SYT17: variants seen among roughly 807,000 people sequenced by gnomAD.
SYT17 encodes synaptotagmin 17, also known as synaptotagmin-17.
In SYT17, 22 loss-of-function variants were observed where a neutral mutation model predicts 46.7. The ratio of observed to expected loss-of-function variants is 0.47; its 90% confidence interval spans 0.34 to 0.67. The LOEUF is 0.67. Among genes scored for constraint, SYT17 ranks in the 30% least tolerant of loss-of-function variants. The pLI is 0.01. For missense variants in SYT17, 519 were observed against 612.8 expected (o/e 0.85, Z 1.62); for synonymous variants, 251 against 248.4 (o/e 1.01, Z -0.10).
At chr16:19,226,621 A>G (rs1966506017) in intron 7 of SYT17, among the ~76,000 whole-genome samples, 1 of 152,168 alleles carries the variant, frequency 6.6e-6, no homozygotes, top group Admixed American at 6.5e-5. Flanking sequence ...GTCCGGATGG[A>G]GTTACAAATA....
upstream of SYT17, chr16:19,167,850 C>G (rs1223534545): frequency 1.3e-5 from 2 of 152,174 alleles, no homozygotes; most frequent in African/African-American, 2.4e-5. Context: ...GGCGCAACTC[C>G]GGCAGGTTTA....
chr16:19,256,412 T>C (rs1432435267), intron 7 of SYT17, among the ~76,000 whole-genome samples: 3 of 146,298 alleles, frequency 2.1e-5, no homozygotes, highest in Non-Finnish European at 3.0e-5. Context: ...CCTTATATGC[T>C]GGTTGAGGTT....
At chr16:19,211,114 G>A (rs1965881792) in intron 5 of SYT17, 2 of 282,738 alleles carry the variant, frequency 7.1e-6, no homozygotes, top group Non-Finnish European at 1.3e-5. Context: ...GTCTATTTTG[G>A]TTCTCCCTAG....
chr16:19,265,341 A>G (rs928148743), intron 7 of SYT17, among the ~76,000 whole-genome samples: 1 of 152,212 alleles, frequency 6.6e-6, no homozygotes, highest in African/African-American at 2.4e-5. Context: ...ACATGGTCCA[A>G]TTTTTCTCCA....
chr16:19,255,503 C>G (rs1968497282), intron 7 of SYT17, among the ~76,000 whole-genome samples: 1 of 152,066 alleles, frequency 6.6e-6, no homozygotes, highest in South Asian at 2.1e-4. Flanking sequence ...TTAAAAAATT[C>G]AGGCCAGGCA....
intron 3 of SYT17, among the ~76,000 whole-genome samples, chr16:19,174,084 C>T (rs971909765): frequency 1.3e-5 from 2 of 152,100 alleles, no homozygotes; most frequent in Admixed American, 6.6e-5. Flanking sequence ...TTTGCTGCTC[C>T]GAACAAGAAC....
chr16:19,179,539 TTA>T (rs1304996970), intron 3 of SYT17, among the ~76,000 whole-genome samples: 1 of 152,190 alleles, frequency 6.6e-6, no homozygotes, highest in Non-Finnish European at 1.5e-5. Context: ...AATGCTGGGA[TTA>T]TATGTGTGAG....
intron 7 of SYT17, among the ~76,000 whole-genome samples, chr16:19,229,940 G>A (rs1463143963): frequency 6.1e-4 from 93 of 152,288 alleles, no homozygotes; most frequent in Non-Finnish European, 7.4e-5. Context: ...ATTATGCTAA[G>A]TGAAACAAGC....
intron 7 of SYT17, among the ~76,000 whole-genome samples, chr16:19,240,172 A>T (rs1319590697): frequency 6.6e-6 from 1 of 152,188 alleles, no homozygotes; most frequent in African/African-American, 2.4e-5. Flanking sequence ...TAGTGTGGCA[A>T]ACAAGGGGCG....
chr16:19,249,603 A>G (rs1967881246), intron 7 of SYT17, among the ~76,000 whole-genome samples: 1 of 152,124 alleles, frequency 6.6e-6, no homozygotes, highest in Non-Finnish European at 1.5e-5. Context: ...TTTAATTTGC[A>G]TTTTCTCATG....
chr16:19,222,936 T>A (rs1596977312), intron 5 of SYT17, 109 bp from the exon 6 acceptor site: 3 of 1,441,280 alleles, frequency 2.1e-6, no homozygotes, highest in Non-Finnish European at 2.8e-6. Flanking sequence ...TGTCAACTGA[T>A]GCGCTCACAG....
intron 7 of SYT17, chr16:19,250,095 G>A: frequency 1.3e-6 from 2 of 1,502,820 alleles, no homozygotes; most frequent in East Asian, 5.0e-5. Context: ...TGTGTGTCTG[G>A]TTGCTTTTAT....
At chr16:19,227,231 TC>T (rs1427965148) in intron 7 of SYT17, among the ~76,000 whole-genome samples, 1 of 152,098 alleles carries the variant, frequency 6.6e-6, no homozygotes, top group Non-Finnish European at 1.5e-5. Context: ...TCCTTTTTTC[TC>T]CCACACACAT....
chr16:19,237,843 C>T lies in SYT17; in HGVS notation c.1228+13005C>T, dbSNP rs567097385. Among the ~76,000 whole-genome samples, 32 of 152,372 alleles carry T rather than the reference C, an allele frequency of 2.1e-4. No homozygotes were observed. In the East Asian group the frequency reaches 5.8e-3, roughly 28 times the overall value. On this transcript the variant is annotated intron_variant, in intron 7 of 7. Transcript: ENST00000355377. Reference sequence around the variant, plus strand: ...CACCACTTTGAATAGCTAGGAGACCCTCCCTCTGTTCTCCCGTGTCACCCC... The same window carrying T: ...CACCACTTTGAATAGCTAGGAGACCTTCCCTCTGTTCTCCCGTGTCACCCC...
chr16:19,263,517 C>T (rs1969131275), intron 7 of SYT17, among the ~76,000 whole-genome samples: 1 of 151,622 alleles, frequency 6.6e-6, no homozygotes, highest in South Asian at 2.1e-4. Context: ...TGGTGGGCAC[C>T]TGTACCCAGC....
chr16:19,219,512 A>G (rs1374881679), intron 5 of SYT17, among the ~76,000 whole-genome samples: 1 of 152,120 alleles, frequency 6.6e-6, no homozygotes, highest in Non-Finnish European at 1.5e-5. Flanking sequence ...TAAGTCGCCA[A>G]TATTTTGCCA....
intron 7 of SYT17, among the ~76,000 whole-genome samples, chr16:19,230,359 A>T (rs138507478): frequency 0.032 from 4,914 of 151,986 alleles, 267 homozygotes; most frequent in African/African-American, 0.11. Context: ...ATGAGCCGAG[A>T]TCACGCCATT....
chr16:19,171,306 TGA>T (rs1567194997), intron 1 of SYT17: 11 of 162,432 alleles, frequency 6.8e-5, no homozygotes, highest in African/African-American at 1.2e-4. Context: ...ATGATGATGA[TGA>T]TGATGATGAT....
rs902410119 is a variant in SYT17 at position 19,183,093 on chromosome 16, G to T, written c.332-435G>T. 3.3e-5 allele frequency among the ~76,000 whole-genome samples: 5 copies of T among 152,188 alleles called. No individual in the cohort carries two copies. The highest frequency in any genetic ancestry group is 7.3e-5 in the Non-Finnish European group (5 of 68,030). On this transcript the variant is annotated intron_variant, in intron 4 of 7. Transcript: ENST00000355377. The surrounding 1 kb of genome is among the most constrained non-coding windows in gnomAD (Gnocchi z 5.6). ...CCAGAGCTCACTCTCTTAAAGTGGA[G>T]ACATCGTAGGATAATGGTTAGAGCC...
Sources: gnomAD v4.1 joint callset for allele counts (sites outside exome capture counted in the v4.1 genomes callset) on GRCh38, gnomAD v4.1.1 for gene constraint, Gnocchi (gnomAD v3.1) non-coding constraint, MANE v1.5 for transcripts, NCBI Gene and HGNC (gene_info 2026-07-23, HGNC 2026-07-21) for gene names.